Variants in GPR158 observed in about 807,000 individuals in gnomAD.
The protein encoded by GPR158 is G protein-coupled receptor 158.
In GPR158, 30 loss-of-function variants were observed where a neutral mutation model predicts 78.2. The observed-to-expected ratio is 0.38, with a 90% CI of 0.29 to 0.52. GPR158 has a LOEUF of 0.52. GPR158 is among the 20% of genes least tolerant of loss of function. GPR158 has a pLI of 0.83. For synonymous variants in GPR158, 581 were observed against 591.1 expected, an observed-to-expected ratio of 0.98 and a Z score of 0.25; for missense variants, 1,463 against 1,523.5, an observed-to-expected ratio of 0.96 and a Z score of 0.66.
chr10:25,397,678 C>T (rs1588844473), intron 3 of GPR158, among the ~76,000 whole-genome samples: 1 of 152,120 alleles, frequency 6.6e-6, no homozygotes, highest in Admixed American at 6.6e-5. Flanking sequence ...TCTCCTCCGC[C>T]GCATATTTCA....
At chr10:25,420,736 G>C (rs2130560340) in intron 4 of GPR158, among the ~76,000 whole-genome samples, 1 of 152,234 alleles carries the variant, frequency 6.6e-6, no homozygotes, top group East Asian at 1.9e-4. Context: ...TTTCCCTGTA[G>C]AGTTGTCCTG....
intron 3 of GPR158, among the ~76,000 whole-genome samples, chr10:25,403,302 A>G (rs2130538256): frequency 6.6e-6 from 1 of 152,182 alleles, no homozygotes; most frequent in Admixed American, 6.5e-5. Flanking sequence ...CATACTGTTC[A>G]CAAATTGTCA....
rs567158412 is a variant in GPR158, at chr10:25,183,872, G to T, written c.902+7550G>T. 6.5e-4 allele frequency among the ~76,000 whole-genome samples: 99 copies of T among 152,322 alleles called. 1 individual carries two copies. Among genetic ancestry groups the T allele is most frequent in the African/African-American group, 2.0e-3 (82 of 41,574 alleles). On this transcript the variant is annotated intron_variant, in intron 1 of 10. Coordinates refer to ENST00000376351, the MANE Select transcript of GPR158 (RefSeq NM_020752.3). ...TTATCTGAGAAAGAAGGAATGGTAT[G>T]ATAGTAAAGAATTATATTGTATCAA...
At chr10:25,267,891 G>T (rs1013718122) in intron 2 of GPR158, among the ~76,000 whole-genome samples, 5 of 151,998 alleles carry the variant, frequency 3.3e-5, no homozygotes, top group Non-Finnish European at 5.9e-5. Flanking sequence ...AATTGCAGAA[G>T]AATTACCCAA....
At position 25,397,786 on chromosome 10, in the gene GPR158, A is replaced by G. The variant is rs538185806; in HGVS notation, c.1111+1773A>G. Among the ~76,000 whole-genome samples, 8 of 152,252 alleles carry G rather than the reference A, an allele frequency of 5.3e-5. No individual in the cohort carries two copies. The South Asian group carries it at 1.5e-3, about 28-fold the overall frequency. On this transcript the variant is annotated intron_variant, in intron 3 of 10. Transcript: ENST00000376351. ...ATCCTCTTAAGTGTGGGTGTCATCT[A>G]TGAATTTGCTGGGATAGTCACTCCC...
chr10:25,430,951 G>A (rs1317686977), intron 4 of GPR158, among the ~76,000 whole-genome samples: 1 of 147,534 alleles, frequency 6.8e-6, no homozygotes, highest in African/African-American at 2.5e-5. Flanking sequence ...CATAGGCATG[G>A]GCAAGGACTT....
At chr10:25,327,269 C>T (rs943300906) in intron 2 of GPR158, among the ~76,000 whole-genome samples, 2 of 151,958 alleles carry the variant, frequency 1.3e-5, no homozygotes, top group Non-Finnish European at 2.9e-5. Context: ...CACACACACA[C>T]ACAGAAACAC....
intron 5 of GPR158, among the ~76,000 whole-genome samples, chr10:25,487,998 A>G (rs1358950835): frequency 6.6e-6 from 1 of 152,206 alleles, no homozygotes; most frequent in African/African-American, 2.4e-5. Flanking sequence ...AAATGGAAGT[A>G]TTAGAATACC....
chr10:25,349,192 G>T (rs552214544), intron 2 of GPR158, among the ~76,000 whole-genome samples: 230 of 152,012 alleles, frequency 1.5e-3, no homozygotes, highest in African/African-American at 5.3e-3. Flanking sequence ...GAGGCTTCCT[G>T]TATTCCTTGG....
chr10:25,452,629 TA>T (rs1467341426), intron 4 of GPR158, among the ~76,000 whole-genome samples: 1 of 152,180 alleles, frequency 6.6e-6, no homozygotes, highest in African/African-American at 2.4e-5. Flanking sequence ...AACAAGGCCT[TA>T]GGGGTCTTAC....
chr10:25,544,499 C>T (rs1836633734), intron 5 of GPR158, among the ~76,000 whole-genome samples: 1 of 152,008 alleles, frequency 6.6e-6, no homozygotes, highest in Non-Finnish European at 1.5e-5. Flanking sequence ...GCATGGTTAT[C>T]AGTGCGTATG....
intron 6 of GPR158, among the ~76,000 whole-genome samples, chr10:25,554,563 A>G (rs1304051889): frequency 1.3e-5 from 2 of 152,154 alleles, no homozygotes; most frequent in Non-Finnish European, 2.9e-5. Flanking sequence ...TTCATTTGAT[A>G]AATACTATTA....
intron 2 of GPR158, among the ~76,000 whole-genome samples, chr10:25,353,928 C>T (rs1282057987): frequency 6.6e-6 from 1 of 152,008 alleles, no homozygotes; most frequent in East Asian, 1.9e-4. Flanking sequence ...TTATTGTCTT[C>T]TTTTGTGGTT....
At position 25,520,729 on chromosome 10, in the gene GPR158, G is replaced by A. The variant is rs542941275; in HGVS notation, c.1405-30247G>A. 1.6e-3 allele frequency among the ~76,000 whole-genome samples: 242 copies of A among 152,242 alleles called. 3 individuals are homozygous for A. Among genetic ancestry groups the A allele is most frequent in the African/African-American group, 5.2e-3 (217 of 41,502 alleles). ...ACCCGCTTGAGGAGGCAGTCTGCCC[G>A]TTCTCAGATCTGCAGCTGCGTGCTG... On this transcript the variant is annotated intron_variant, in intron 5 of 10. Transcript: ENST00000376351.
intron 2 of GPR158, among the ~76,000 whole-genome samples, chr10:25,241,313 T>G (rs1344435226): frequency 7.4e-6 from 1 of 134,274 alleles, no homozygotes; most frequent in African/African-American, 3.4e-5. Flanking sequence ...TCTTTTCTTT[T>G]CTCTTCTCTT....
At chr10:25,491,105 T>G (rs1171419637) in intron 5 of GPR158, among the ~76,000 whole-genome samples, 2 of 152,162 alleles carry the variant, frequency 1.3e-5, no homozygotes, top group African/African-American at 4.8e-5. Flanking sequence ...CAAGGTAGAT[T>G]TTTAATATGG....
At chr10:25,297,968 T>C (rs930248848) in intron 2 of GPR158, among the ~76,000 whole-genome samples, 1 of 152,124 alleles carries the variant, frequency 6.6e-6, no homozygotes, top group South Asian at 2.1e-4. Flanking sequence ...AGCTGAGTGC[T>C]TGGGCAAGGA....
intron 2 of GPR158, among the ~76,000 whole-genome samples, chr10:25,249,853 T>A (rs1413175816): frequency 4.7e-5 from 7 of 148,426 alleles, no homozygotes; most frequent in Non-Finnish European, 6.0e-5. Flanking sequence ...GATTCCCTCT[T>A]TTTCTATTGA....
chr10:25,544,195 G>T (rs956695154), intron 5 of GPR158, among the ~76,000 whole-genome samples: 3 of 152,024 alleles, frequency 2.0e-5, no homozygotes, highest in African/African-American at 7.3e-5. Flanking sequence ...TAAATAGAGT[G>T]GTATGCTTTA....
Sources: allele counts gnomAD v4.1 joint callset (sites outside exome capture counted in the v4.1 genomes callset), GRCh38; gene constraint gnomAD v4.1.1; transcripts MANE v1.5; gene names NCBI Gene and HGNC (gene_info 2026-07-23, HGNC 2026-07-21).